Variants in LRP1B observed in about 807,000 individuals in gnomAD.
The protein encoded by LRP1B is LDL receptor related protein 1B.
LRP1B carries 217 observed loss-of-function variants against 556.6 expected under a neutral mutation model. The ratio of observed to expected loss-of-function variants is 0.39; its 90% CI spans 0.35 to 0.44. The LOEUF is 0.44. LRP1B is among the 20% of genes least tolerant of loss of function. LRP1B has a pLI of 1.00. For missense variants in LRP1B, 5,053 were observed against 5,620.8 expected (o/e 0.90, Z 3.23); for synonymous variants, 2,047 against 1,865.8 (o/e 1.10, Z -2.50).
intron 2 of LRP1B, among the ~76,000 whole-genome samples, chr2:141,683,770 G>C (rs1691185618): frequency 6.6e-6 from 1 of 152,132 alleles, no homozygotes; most frequent in Non-Finnish European, 1.5e-5. Context: ...TTGGCAGGAG[G>C]ATGTGCTTTA....
At chr2:140,644,218 G>A (rs1297632701) in intron 41 of LRP1B, among the ~76,000 whole-genome samples, 1 of 152,086 alleles carries the variant, frequency 6.6e-6, no homozygotes, top group Non-Finnish European at 1.5e-5. Context: ...TATATAATCA[G>A]CCAGTAGCTT....
Position 141,465,543 on chromosome 2 carries a change from C to CTTTTTT in LRP1B, c.343+14847_343+14852dup, listed in dbSNP as rs71391652. Among the ~76,000 whole-genome samples the CTTTTTT allele has an allele frequency of 8.5e-4, 100 of 117,300 alleles. 1 individual carries two copies. Among genetic ancestry groups the CTTTTTT allele is most frequent in the African/African-American group, 8.7e-4 (29 of 33,482 alleles). 77.0% of individuals were successfully genotyped at this position (117,300 alleles called of 152,430 possible). The stretch of plus-strand genomic sequence containing the variant: ...AGTTTTTTGCTACAGCACAGCATGA[C>CTTTTTT]TTTTTTTTTTTTTTTTGAGACAAGG... On this transcript the variant is annotated intron_variant, in intron 3 of 90. Coordinates refer to ENST00000389484, the MANE Select transcript of LRP1B (RefSeq NM_018557.3).
chr2:140,758,322 A>C (rs188226050), intron 35 of LRP1B, among the ~76,000 whole-genome samples: 85 of 152,214 alleles, frequency 5.6e-4, no homozygotes, highest in Non-Finnish European at 6.6e-4. Flanking sequence ...ATCAATAATA[A>C]AATTTATTTG....
intron 25 of LRP1B, 25 bp from the exon 26 acceptor site, chr2:140,868,288 AT>A: frequency 6.6e-7 from 1 of 1,516,754 alleles, no homozygotes; most frequent in Non-Finnish European, 8.9e-7. Context: ...AAAAAAAGAA[AT>A]AATACTATTG....
chr2:141,310,559 T>C (rs1005906723), intron 3 of LRP1B, among the ~76,000 whole-genome samples: 1 of 152,138 alleles, frequency 6.6e-6, no homozygotes, highest in Admixed American at 6.5e-5. Flanking sequence ...TAATTAAAAA[T>C]GAAGATGAGA....
At chr2:140,281,209 A>ATTTT (rs1682899231) in intron 84 of LRP1B, among the ~76,000 whole-genome samples, 1 of 151,976 alleles carries the variant, frequency 6.6e-6, no homozygotes, top group African/African-American at 2.4e-5. Flanking sequence ...CTACATAAAA[A>ATTTT]TATGTGCGTG....
intron 32 of LRP1B, among the ~76,000 whole-genome samples, chr2:140,803,339 C>T (rs924485066): frequency 2.8e-5 from 4 of 145,124 alleles, no homozygotes; most frequent in South Asian, 2.2e-4. Flanking sequence ...CAGTGGCGCG[C>T]GATCTTGGCT....
Position 141,772,197 on chromosome 2 carries a change from C to T in LRP1B, c.205+38082G>A, listed in dbSNP as rs78480631. Among the ~76,000 whole-genome samples the T allele has an allele frequency of 5.9e-4, 90 of 152,236 alleles. No individual in the cohort carries two copies. The East Asian group carries it at 0.016, about 26-fold the overall frequency. On this transcript the variant is annotated intron_variant, in intron 2 of 90. Transcript: ENST00000389484. ...TTTCACTCAACACTGAATCTGCCTG[C>T]ACCCCGATCTTGGACATCTCAGCTT... is the stretch of plus-strand genomic sequence containing the variant.
intron 3 of LRP1B, among the ~76,000 whole-genome samples, chr2:141,365,309 C>T (rs1239613257): frequency 6.6e-6 from 1 of 152,080 alleles, no homozygotes; most frequent in Non-Finnish European, 1.5e-5. Flanking sequence ...GTGATCCTCC[C>T]ACTTCGGCCT....
At chr2:140,410,057 C>T (rs1684906437) in intron 66 of LRP1B, among the ~76,000 whole-genome samples, 1 of 152,056 alleles carries the variant, frequency 6.6e-6, no homozygotes, top group African/African-American at 2.4e-5. Flanking sequence ...TGGTATCTCT[C>T]TACTGAGTGT....
intron 7 of LRP1B, among the ~76,000 whole-genome samples, chr2:141,086,637 TGTGTGTGTGTG>T (rs1700054272): frequency 1.3e-5 from 2 of 151,692 alleles, no homozygotes; most frequent in African/African-American, 2.4e-5. Context: ...TGTGTGTGTG[TGTGTGTGTGTG>T]TGTGTGTGTG....
intron 41 of LRP1B, among the ~76,000 whole-genome samples, chr2:140,692,799 A>G (rs1314830599): frequency 6.6e-6 from 1 of 152,116 alleles, no homozygotes; most frequent in Non-Finnish European, 1.5e-5. Flanking sequence ...AATTTCAATG[A>G]GATAAAATAT....
chr2:141,518,679 T>C (rs1684415256), intron 2 of LRP1B, among the ~76,000 whole-genome samples: 2 of 152,074 alleles, frequency 1.3e-5, no homozygotes, highest in Admixed American at 1.3e-4. Context: ...CCGGGCATGG[T>C]GGCTCACGCC....
chr2:140,499,861 T>C (rs1689105445), intron 55 of LRP1B, among the ~76,000 whole-genome samples: 1 of 151,980 alleles, frequency 6.6e-6, no homozygotes, highest in Non-Finnish European at 1.5e-5. Context: ...CATAACTGTA[T>C]ATATGATAGA....
At chr2:140,764,647 T>C (rs1006527059) in intron 35 of LRP1B, among the ~76,000 whole-genome samples, 2 of 152,128 alleles carry the variant, frequency 1.3e-5, no homozygotes, top group Non-Finnish European at 2.9e-5. Context: ...ATTTTTAGAG[T>C]TCTAGGTTCA....
At chr2:141,589,028 T>C (rs1239643387) in intron 2 of LRP1B, among the ~76,000 whole-genome samples, 2 of 152,140 alleles carry the variant, frequency 1.3e-5, no homozygotes, top group Non-Finnish European at 2.9e-5. Flanking sequence ...TAAAGGATGA[T>C]TTTGAAACTG....
At chr2:140,820,576 A>T (rs1691291258) in intron 31 of LRP1B, among the ~76,000 whole-genome samples, 1 of 149,974 alleles carries the variant, frequency 6.7e-6, no homozygotes, top group Admixed American at 6.7e-5. Context: ...GAAATAGAGG[A>T]AAAACCAGAA....
At chr2:141,840,932 G>GAAAA (rs5834873) in intron 1 of LRP1B, among the ~76,000 whole-genome samples, 1 of 145,956 alleles carries the variant, frequency 6.9e-6, no homozygotes. Context: ...TGCATCTAGG[G>GAAAA]AAAAAAAAAA....
chr2:140,496,409 T>C (rs1049417537), intron 55 of LRP1B, among the ~76,000 whole-genome samples: 1 of 152,168 alleles, frequency 6.6e-6, no homozygotes, highest in African/African-American at 2.4e-5. Flanking sequence ...TTAATATTTA[T>C]TGACTGTGTT....
Sources: gnomAD v4.1 joint callset for allele counts (sites outside exome capture counted in the v4.1 genomes callset) on GRCh38, gnomAD v4.1.1 for gene constraint, MANE v1.5 for transcripts, NCBI Gene and HGNC (gene_info 2026-07-23, HGNC 2026-07-21) for gene names.